The following DAB1 variants were observed in gnomAD, a reference collection of about 807,000 sequenced individuals.
DAB1 encodes DAB adaptor protein 1, also known as disabled homolog 1.
A neutral mutation model predicts 64.6 loss-of-function variants in DAB1; 15 were observed. That is an observed-to-expected ratio of 0.23 (90% CI 0.16 to 0.36). The LOEUF (loss-of-function observed/expected upper bound fraction) is 0.36, where lower values mean the gene tolerates loss of function less well. Ranked by LOEUF, DAB1 falls within the 10% of genes least tolerant of loss-of-function variation. DAB1 has a pLI of 1.00. For missense variants in DAB1, 596 were observed against 706.7 expected, an observed-to-expected ratio of 0.84 and a Z score of 1.78; for synonymous variants, 235 against 251.9, an observed-to-expected ratio of 0.93 and a Z score of 0.64.
chr1:57,230,998 A>C (rs1667634605), intron 2 of DAB1, among the ~76,000 whole-genome samples: 1 of 152,172 alleles, frequency 6.6e-6, no homozygotes, highest in Non-Finnish European at 1.5e-5. Flanking sequence ...TTGAAGATGA[A>C]TTAATAATTA....
chr1:57,102,206 CTG>C lies in DAB1; in HGVS notation c.307-29794_307-29793del, dbSNP rs1435446167. 2.0e-5 allele frequency among the ~76,000 whole-genome samples: 3 copies of C among 152,154 alleles called. No individual in the cohort carries two copies. In the East Asian group the frequency reaches 5.8e-4, roughly 29 times the overall value. Reference sequence around the variant, plus strand: ...CACATTCTTCTCTCTTTCTCTGTCTCTGTCTCTGTCTCAGTCTCTCTCTCTTT... The same window carrying C: ...CACATTCTTCTCTCTTTCTCTGTCTCTCTCTGTCTCAGTCTCTCTCTCTTT... On this transcript the variant is annotated intron_variant, in intron 4 of 14. Transcript: ENST00000371236.
intron 1 of DAB1, among the ~76,000 whole-genome samples, chr1:57,374,579 G>T (rs1463220218): frequency 1.3e-5 from 2 of 152,118 alleles, no homozygotes; most frequent in African/African-American, 2.4e-5. Flanking sequence ...AAGTGTTTAA[G>T]CTTCAAAGAG....
At chr1:58,417,962 T>A (rs1354548520) in intron 3 of DAB1, among the ~76,000 whole-genome samples, 1 of 152,142 alleles carries the variant, frequency 6.6e-6, no homozygotes, top group Non-Finnish European at 1.5e-5. Context: ...GCTCTTACAC[T>A]TCTCAGGGCT....
intron 4 of DAB1, among the ~76,000 whole-genome samples, chr1:57,102,372 C>A (rs1394284249): frequency 6.6e-6 from 1 of 152,204 alleles, no homozygotes; most frequent in Non-Finnish European, 1.5e-5. Flanking sequence ...CAGCAACCAT[C>A]CTGTGGTCAT....
intron 3 of DAB1, among the ~76,000 whole-genome samples, chr1:58,353,640 A>G (rs1435626962): frequency 1.3e-5 from 2 of 152,210 alleles, no homozygotes; most frequent in East Asian, 1.9e-4. Flanking sequence ...CCATGTTTCA[A>G]TTAGATTTGT....
chr1:57,354,105 T>G (rs1038404252), intron 1 of DAB1, among the ~76,000 whole-genome samples: 1 of 152,242 alleles, frequency 6.6e-6, no homozygotes, highest in South Asian at 2.1e-4. Flanking sequence ...GTGACATTTT[T>G]TCACTCTGTT....
chr1:58,418,423 A>G (rs1644742292), intron 3 of DAB1, among the ~76,000 whole-genome samples: 1 of 152,164 alleles, frequency 6.6e-6, no homozygotes, highest in South Asian at 2.1e-4. Flanking sequence ...CTCAGTACAC[A>G]GACCAGTGGC....
intron 9 of DAB1, among the ~76,000 whole-genome samples, chr1:57,056,778 C>A (rs1006592002): frequency 3.3e-5 from 5 of 151,872 alleles, no homozygotes; most frequent in African/African-American, 1.2e-4. Context: ...GTGGGAGAAT[C>A]GCTTGAACCC....
At chr1:57,379,062 G>A (rs971304083) in intron 1 of DAB1, among the ~76,000 whole-genome samples, 20 of 152,102 alleles carry the variant, frequency 1.3e-4, no homozygotes, top group African/African-American at 4.8e-4. Context: ...TAACTGTGCT[G>A]TGGGTAAACC....
chr1:57,562,287 C>T (rs1422339147), intron 7 of DAB1, among the ~76,000 whole-genome samples: 2 of 152,186 alleles, frequency 1.3e-5, no homozygotes, highest in African/African-American at 2.4e-5. Context: ...GCAGGGGAAT[C>T]GCTTGGACCA....
chr1:57,379,888 TAA>T (rs1681225501), intron 1 of DAB1, among the ~76,000 whole-genome samples: 1 of 152,234 alleles, frequency 6.6e-6, no homozygotes, highest in Non-Finnish European at 1.5e-5. Context: ...CGACTTTGGG[TAA>T]GTTATTTCAC....
chr1:57,947,653 G>T (rs574791761), intron 5 of DAB1, among the ~76,000 whole-genome samples: 1 of 145,438 alleles, frequency 6.9e-6, no homozygotes, highest in Admixed American at 7.3e-5. Context: ...GATGCACCAG[G>T]TATAACAGGA....
chr1:57,430,772 A>C (rs570318269), intron 7 of DAB1, among the ~76,000 whole-genome samples: 1 of 151,914 alleles, frequency 6.6e-6, no homozygotes, highest in South Asian at 2.1e-4. Context: ...TAATCCTCTC[A>C]CTCTCCCTTT....
chr1:57,071,119 G>A (rs1557667308), intron 6 of DAB1, 58 bp from the exon 7 acceptor site: 43 of 1,473,592 alleles, frequency 2.9e-5, no homozygotes, highest in Non-Finnish European at 3.9e-5. Context: ...GAAGAGATGT[G>A]AGACTGCATT....
At chr1:57,009,171 C>T (rs181498653) in intron 14 of DAB1, among the ~76,000 whole-genome samples, 6 of 152,162 alleles carry the variant, frequency 3.9e-5, no homozygotes, top group African/African-American at 1.4e-4. Context: ...AGTTTATTCA[C>T]CAAATTTTTC....
intron 5 of DAB1, among the ~76,000 whole-genome samples, chr1:58,108,354 C>T (rs1557653395): frequency 1.3e-5 from 2 of 152,132 alleles, no homozygotes; most frequent in Non-Finnish European, 2.9e-5. Flanking sequence ...TTGTTACTTT[C>T]AGTGAGTGCT....
intron 4 of DAB1, among the ~76,000 whole-genome samples, chr1:58,292,962 A>G (rs1470030921): frequency 6.6e-6 from 1 of 152,122 alleles, no homozygotes; most frequent in Non-Finnish European, 1.5e-5. Context: ...ATGCTTGCGA[A>G]TGGTGAAGTG....
At position 58,433,600 on chromosome 1, in the gene DAB1, T is replaced by C. The variant is rs797009639; in HGVS notation, n.257+72460A>G. On this transcript the variant is annotated intron_variant and non_coding_transcript_variant, in intron 3 of 20. Transcript: ENST00000485760. ...GAGAGAGAGAGAGAGAGAGAGAGTGTGTGTGTGTGTGTGTGTGTGTTTGTG... is the reference window on the plus strand; with the variant it reads ...GAGAGAGAGAGAGAGAGAGAGAGTGCGTGTGTGTGTGTGTGTGTGTTTGTG... Among the ~76,000 whole-genome samples the C allele has an allele frequency of 5.4e-4, 71 of 130,282 alleles. 1 individual carries two copies. The East Asian group carries it at 9.1e-3, about 17-fold the overall frequency. The allele number at this position is 130,282 out of a possible 152,430, so 85.5% of individuals were successfully genotyped here.
chr1:57,408,471 T>C (rs1485604878), intron 1 of DAB1, among the ~76,000 whole-genome samples: 2 of 152,182 alleles, frequency 1.3e-5, no homozygotes, highest in African/African-American at 4.8e-5. Context: ...CAAGTCAGGA[T>C]AGGTTTTACC....
Sources: allele counts gnomAD v4.1 joint callset (sites outside exome capture counted in the v4.1 genomes callset), GRCh38; gene constraint gnomAD v4.1.1; transcripts MANE v1.5; gene names NCBI Gene and HGNC (gene_info 2026-07-23, HGNC 2026-07-21).